DLGAP4: variants seen among roughly 807,000 people sequenced by gnomAD.
DLGAP4 encodes DLG associated protein 4.
A neutral mutation model predicts 86.9 loss-of-function variants in DLGAP4; 18 were observed. The ratio of observed to expected loss-of-function variants is 0.21; its 90% CI spans 0.14 to 0.31. The LOEUF is 0.31. Among genes scored for constraint, DLGAP4 ranks in the 10% least tolerant of loss-of-function variants. The pLI is 1.00. For synonymous variants in DLGAP4, 548 were observed against 574.3 expected (o/e 0.95, Z 0.65); for missense variants, 1,085 against 1,362.6 (o/e 0.80, Z 3.21).
intron 2 of DLGAP4, among the ~76,000 whole-genome samples, chr20:36,424,366 G>C (rs11907359): frequency 1.3e-5 from 2 of 152,162 alleles, no homozygotes; most frequent in African/African-American, 4.8e-5. Context: ...AGGAGCATAA[G>C]GACAGACTAT....
chr20:36,466,763 G>A (rs904129769), intron 7 of DLGAP4, among the ~76,000 whole-genome samples: 5 of 152,320 alleles, frequency 3.3e-5, no homozygotes, highest in Non-Finnish European at 1.5e-5. Context: ...GGATCCCAGA[G>A]CAAGACTAGA....
At chr20:36,492,224 T>A (rs2035694813) in intron 7 of DLGAP4, among the ~76,000 whole-genome samples, 1 of 152,172 alleles carries the variant, frequency 6.6e-6, no homozygotes, top group Non-Finnish European at 1.5e-5. Flanking sequence ...TGTACAAGGT[T>A]AGGTCCCATC....
chr20:36,361,642 G>A (rs557368077), intron 1 of DLGAP4, among the ~76,000 whole-genome samples: 1 of 152,238 alleles, frequency 6.6e-6, no homozygotes, highest in Non-Finnish European at 1.5e-5. Flanking sequence ...GGGATCAAGG[G>A]GAGGGGATTT....
At chr20:36,465,810 C>A (rs1372054668) in intron 7 of DLGAP4, among the ~76,000 whole-genome samples, 4 of 152,184 alleles carry the variant, frequency 2.6e-5, no homozygotes, top group Non-Finnish European at 5.9e-5. Context: ...TTTCTTCCTT[C>A]CCCTAGCCAC....
intron 5 of DLGAP4, among the ~76,000 whole-genome samples, chr20:36,442,343 T>C (rs2033470917): frequency 1.3e-5 from 2 of 152,148 alleles, no homozygotes; most frequent in Non-Finnish European, 2.9e-5. Flanking sequence ...TATAGGCATG[T>C]GCCACCATGC....
chr20:36,375,393 C>T (rs959722104), intron 2 of DLGAP4, among the ~76,000 whole-genome samples: 3 of 152,192 alleles, frequency 2.0e-5, no homozygotes, highest in Non-Finnish European at 4.4e-5. Context: ...TTTTATGGGT[C>T]ATCTCCAATA....
At chr20:36,385,059 A>G (rs1314722770) in intron 2 of DLGAP4, among the ~76,000 whole-genome samples, 1 of 152,108 alleles carries the variant, frequency 6.6e-6, no homozygotes, top group Non-Finnish European at 1.5e-5. Context: ...AAGGGGTGTG[A>G]CCTGCTGGGG....
intron 12 of DLGAP4, 91 bp from the exon 13 acceptor site, chr20:36,526,722 A>G: frequency 8.1e-7 from 1 of 1,235,280 alleles, no homozygotes; most frequent in Admixed American, 2.8e-5. Flanking sequence ...TGGGGTGGAG[A>G]CTCCAGCTGC....
intron 7 of DLGAP4, among the ~76,000 whole-genome samples, chr20:36,457,365 C>T (rs1202336716): frequency 6.6e-6 from 1 of 151,234 alleles, no homozygotes; most frequent in Non-Finnish European, 1.5e-5. Flanking sequence ...ACTACAGGCG[C>T]TCGCCACCAC....
At chr20:36,467,035 T>C (rs868120451) in intron 7 of DLGAP4, among the ~76,000 whole-genome samples, 9 of 122,702 alleles carry the variant, frequency 7.3e-5, no homozygotes, top group Non-Finnish European at 1.5e-4. Flanking sequence ...TCTCTCTCTC[T>C]CTCTCTCTCT....
intron 7 of DLGAP4, among the ~76,000 whole-genome samples, chr20:36,481,021 A>T (rs571755192): frequency 3.3e-5 from 5 of 152,160 alleles, no homozygotes; most frequent in African/African-American, 1.2e-4. Flanking sequence ...ATGTTGAACT[A>T]TGAATGTCAT....
At chr20:36,347,196 C>A (rs1232136355) in intron 1 of DLGAP4, among the ~76,000 whole-genome samples, 1 of 152,154 alleles carries the variant, frequency 6.6e-6, no homozygotes, top group African/African-American at 2.4e-5. Flanking sequence ...ATCAGCAACC[C>A]CAGCTCCCAG....
intron 2 of DLGAP4, among the ~76,000 whole-genome samples, chr20:36,420,099 A>C (rs1439735386): frequency 6.6e-6 from 1 of 152,216 alleles, no homozygotes; most frequent in East Asian, 1.9e-4. Context: ...GCTTGAGTGG[A>C]AAACTTAACT....
At chr20:36,312,726 G>A (rs2065063869) in intron 1 of DLGAP4, among the ~76,000 whole-genome samples, 1 of 152,196 alleles carries the variant, frequency 6.6e-6, no homozygotes, top group African/African-American at 2.4e-5. Context: ...GGTGGGGGCA[G>A]TGGGACTCTG....
intron 2 of DLGAP4, among the ~76,000 whole-genome samples, chr20:36,374,031 T>C (rs1225076988): frequency 3.1e-5 from 1 of 32,000 alleles, no homozygotes; most frequent in Non-Finnish European, 5.4e-5. Context: ...TGAGACTGTC[T>C]CAAAAAAAAA....
At chr20:36,459,422 A>G (rs1206566081) in intron 7 of DLGAP4, among the ~76,000 whole-genome samples, 2 of 152,212 alleles carry the variant, frequency 1.3e-5, no homozygotes, top group South Asian at 4.1e-4. Context: ...TGTCACCCAA[A>G]TTGGAGTGCC....
intron 1 of DLGAP4, among the ~76,000 whole-genome samples, chr20:36,334,206 G>A (rs2065298594): frequency 6.6e-6 from 1 of 152,204 alleles, no homozygotes; most frequent in Non-Finnish European, 1.5e-5. Context: ...ATGCTACAGT[G>A]TGGAAAACAA....
chr20:36,449,774 T>G (rs1049620726), intron 7 of DLGAP4, among the ~76,000 whole-genome samples: 1 of 152,252 alleles, frequency 6.6e-6, no homozygotes, highest in Non-Finnish European at 1.5e-5. Flanking sequence ...GGGGATGGGC[T>G]ACATGTCCCA....
chr20:36,494,984 G>GTTTTTTTTTTTTT (rs752411826), intron 7 of DLGAP4, among the ~76,000 whole-genome samples: 9 of 75,390 alleles, frequency 1.2e-4, no homozygotes, highest in Non-Finnish European at 1.6e-4. Flanking sequence ...TTTTTGTTCG[G>GTTTTTTTTTTTTT]TTTTTTTTTT....
Sources: gnomAD v4.1 joint callset for allele counts (sites outside exome capture counted in the v4.1 genomes callset) on GRCh38, gnomAD v4.1.1 for gene constraint, MANE v1.5 for transcripts, NCBI Gene and HGNC (gene_info 2026-07-23, HGNC 2026-07-21) for gene names.